Variants in ANK1 observed in about 807,000 individuals in gnomAD.
ANK1 encodes the protein ankyrin 1.
Under a neutral mutation model 210.4 loss-of-function variants are expected in ANK1, and 51 were observed. That is an observed-to-expected ratio of 0.24 (90% CI 0.19 to 0.31). The LOEUF (loss-of-function observed/expected upper bound fraction) is 0.31. ANK1 is among the 10% of genes least tolerant of loss of function. The pLI is 1.00. For missense variants in ANK1, 2,051 were observed against 2,504.4 expected, an observed-to-expected ratio of 0.82 and a Z score of 3.86; for synonymous variants, 967 against 1,025.9, an observed-to-expected ratio of 0.94 and a Z score of 1.10.
chr8:41,867,347 A>G (rs191105518), intron 1 of ANK1, among the ~76,000 whole-genome samples: 1 of 152,148 alleles, frequency 6.6e-6, no homozygotes, highest in Non-Finnish European at 1.5e-5. Context: ...CAAACAAGAC[A>G]CTCATGAGCC....
At chr8:41,744,536 CTTTTT>C (rs3063769) in intron 2 of ANK1, among the ~76,000 whole-genome samples, 2 of 125,480 alleles carry the variant, frequency 1.6e-5, no homozygotes, top group Admixed American at 8.1e-5. Context: ...GATTTCTTTT[CTTTTT>C]TTTTTTTTTT....
chr8:41,861,960 T>C (rs1813352702), intron 1 of ANK1, among the ~76,000 whole-genome samples: 1 of 152,174 alleles, frequency 6.6e-6, no homozygotes, highest in Non-Finnish European at 1.5e-5. Context: ...ACCATTTTCT[T>C]CCCTTCCCCA....
In ANK1 at chr8:41,734,048, G is replaced by T; in HGVS notation, c.151C>A (p.Leu51Met). The T allele has an allele frequency of 6.2e-7, 1 of 1,614,196 alleles. No homozygotes were observed. Among genetic ancestry groups the T allele is most frequent in the African/African-American group, 1.3e-5 (1 of 75,064 alleles). ...CNQNGLNGLH[L>M]ASKEGHVKMV... ...TTCACATGGCCTTCCTTAGAAGCCA[G>T]ATGCAAGCCATTCAACCCATTCTGT... is the stretch of plus-strand genomic sequence containing the variant. Residue 51 changes from leucine (L) to methionine (M), a missense_variant, in exon 3 of 43, where the codon CTG (leucine) becomes ATG (methionine). Leu to Met is a conservative substitution (Grantham distance 15). Around this residue, in one of 6 missense-constraint regions of ANK1, gnomAD observed 72 missense variants for 133.5 expected, o/e 0.54. Coordinates refer to ENST00000289734, the MANE Select transcript of ANK1 (RefSeq NM_000037.4).
At chr8:41,783,088 A>G (rs1235061926) in intron 1 of ANK1, among the ~76,000 whole-genome samples, 1 of 152,224 alleles carries the variant, frequency 6.6e-6, no homozygotes, top group Non-Finnish European at 1.5e-5. Context: ...CGACATTTGG[A>G]TAAGTCAGTT....
chr8:41,681,626 A>T (rs761115907), intron 37 of ANK1, among the ~76,000 whole-genome samples: 42 of 152,200 alleles, frequency 2.8e-4, no homozygotes, highest in Non-Finnish European at 5.1e-4. Flanking sequence ...AGCACAGAGG[A>T]GCCAAGGTCC....
intron 1 of ANK1, among the ~76,000 whole-genome samples, chr8:41,825,719 TGTGGGAGGGACCCG>T (rs1805250119): frequency 6.6e-6 from 1 of 152,218 alleles, no homozygotes. Context: ...TCCCACATGT[TGTGGGAGGGACCCG>T]GTGGGAGGTA....
chr8:41,699,742 C>A (rs936254060), intron 22 of ANK1, among the ~76,000 whole-genome samples, 194 bp from the exon 23 acceptor site: 1 of 152,228 alleles, frequency 6.6e-6, no homozygotes, highest in Non-Finnish European at 1.5e-5. Context: ...GAGAGCAGGG[C>A]AGCCAGCTCC....
At chr8:41,789,109 G>A (rs149668493) in intron 1 of ANK1, 1 of 152,330 alleles carries the variant, frequency 6.6e-6, no homozygotes, top group Non-Finnish European at 1.5e-5. Flanking sequence ...ACTCTTCCCT[G>A]TTTCAGCCTC....
chr8:41,873,254 G>A (rs1253005803), intron 1 of ANK1, among the ~76,000 whole-genome samples: 1 of 152,082 alleles, frequency 6.6e-6, no homozygotes, highest in Non-Finnish European at 1.5e-5. Flanking sequence ...TCTGTGTTTT[G>A]GGGACCTCCC....
At chr8:41,848,348 A>G (rs1324782228) in intron 1 of ANK1, among the ~76,000 whole-genome samples, 1 of 152,224 alleles carries the variant, frequency 6.6e-6, no homozygotes, top group African/African-American at 2.4e-5. Context: ...TAGAGTAAGT[A>G]ATCCCTTTGG....
chr8:41,777,644 G>A (rs552664855), intron 1 of ANK1, among the ~76,000 whole-genome samples: 2 of 152,132 alleles, frequency 1.3e-5, no homozygotes, highest in Non-Finnish European at 2.9e-5. Context: ...ACAATGTTAT[G>A]GTTGTGTTGG....
upstream of ANK1, among the ~76,000 whole-genome samples, chr8:41,798,865 C>T (rs1264632175): frequency 6.6e-6 from 1 of 152,154 alleles, no homozygotes; most frequent in East Asian, 1.9e-4. Context: ...TGGTCCAGGT[C>T]CCCTGACGAG....
chr8:41,655,770 GAGA>G lies in ANK1; in HGVS notation c.*37-20_*37-18del, dbSNP rs780740874. On this transcript the variant is annotated intron_variant, in intron 42 of 42. Transcript: ENST00000289734. The stretch of plus-strand genomic sequence containing the variant: ...GGTGTGATCCTGGGAGACACAAAGA[GAGA>G]AGGAGTCACTTAGAATGCAAAAGTG... 39 of 1,613,886 alleles carry G rather than the reference GAGA, an allele frequency of 2.4e-5. No individual in the cohort carries two copies. Among genetic ancestry groups the G allele is most frequent in the Non-Finnish European group, 3.1e-5 (36 of 1,179,792 alleles).
intron 40 of ANK1, 90 bp downstream of exon 40, chr8:41,663,569 G>A: frequency 7.9e-7 from 1 of 1,264,254 alleles, no homozygotes; most frequent in Non-Finnish European, 1.2e-6. Context: ...TGCTGTGAGG[G>A]CAGCAGGGAG....
At chr8:41,837,849 C>T (rs1808064300) in intron 1 of ANK1, among the ~76,000 whole-genome samples, 1 of 151,818 alleles carries the variant, frequency 6.6e-6, no homozygotes, top group Non-Finnish European at 1.5e-5. Flanking sequence ...ACAGCCTGGG[C>T]AACAGAGCGA....
At chr8:41,875,701 G>C (rs1816425523) in intron 1 of ANK1, among the ~76,000 whole-genome samples, 2 of 152,106 alleles carry the variant, frequency 1.3e-5, no homozygotes. Context: ...AAGCCTCCTT[G>C]CTGCTCGTAG....
chr8:41,729,417 G>T (rs934805399), intron 3 of ANK1, among the ~76,000 whole-genome samples: 2 of 152,176 alleles, frequency 1.3e-5, no homozygotes, highest in South Asian at 2.1e-4. Flanking sequence ...AGAATTGGAG[G>T]TCTCGCTCTA....
At chr8:41,794,993 C>T (rs1378465853) in intron 1 of ANK1, among the ~76,000 whole-genome samples, 1 of 152,158 alleles carries the variant, frequency 6.6e-6, no homozygotes, top group African/African-American at 2.4e-5. Context: ...CGTGAGCCAC[C>T]GTGCCTGGCC....
At chr8:41,791,179 C>G (rs924794454) in intron 1 of ANK1, among the ~76,000 whole-genome samples, 1 of 138,306 alleles carries the variant, frequency 7.2e-6, no homozygotes, top group South Asian at 2.4e-4. Context: ...TTCAGCTTTT[C>G]TCAGTACTAA....
Sources: gnomAD v4.1 joint callset for allele counts (sites outside exome capture counted in the v4.1 genomes callset) on GRCh38, gnomAD v4.1.1 for gene constraint, gnomAD v4.1.1 regional missense constraint, MANE v1.5 for transcripts, NCBI Gene and HGNC (gene_info 2026-07-23, HGNC 2026-07-21) for gene names.